Variants in TRPA1 observed in about 807,000 individuals in gnomAD.
TRPA1 encodes transient receptor potential cation channel subfamily A member 1.
TRPA1 carries 129 observed loss-of-function variants against 131.3 expected under a neutral mutation model. The ratio of observed to expected loss-of-function variants is 0.98; its 90% CI spans 0.85 to 1.14. The LOEUF (loss-of-function observed/expected upper bound fraction) is 1.14. Ranked by LOEUF, TRPA1 falls within the 50% of genes most tolerant of loss-of-function variation. TRPA1 has a pLI of 0.00. For synonymous variants in TRPA1, 441 were observed against 451.7 expected, an observed-to-expected ratio of 0.98 and a Z score of 0.30; for missense variants, 1,304 against 1,354.2, an observed-to-expected ratio of 0.96 and a Z score of 0.58.
In TRPA1 at chr8:72,056,282, T is replaced by C. The variant is rs1340847064; in HGVS notation, c.1195-427A>G. 4 of 197,848 alleles carry C rather than the reference T, an allele frequency of 2.0e-5. No individual in the cohort carries two copies. The East Asian group carries it at 5.0e-4, about 25-fold the overall frequency. 12.3% of individuals were successfully genotyped at this position (197,848 alleles called of 1,614,324 possible). A position where few individuals can be genotyped will look rare whatever the true frequency, so the allele number is the denominator to read the frequency against. ...TGTAAACATTAGGTTTATTTTATGT[T>C]TTATATGTATAGTAAATAAAAAATG... On this transcript the variant is annotated intron_variant, in intron 10 of 26. Coordinates refer to ENST00000262209, the MANE Select transcript of TRPA1 (RefSeq NM_007332.3).
In TRPA1 at chr8:72,021,841, AGT is replaced by A. The variant is rs1159797534; in HGVS notation, c.*1063_*1064del. 1.3e-5 allele frequency: 2 copies of A among 152,220 alleles called. No homozygotes were observed. Among genetic ancestry groups the A allele is most frequent in the African/African-American group, 4.8e-5 (2 of 41,470 alleles). 9.4% of individuals were successfully genotyped at this position (152,220 alleles called of 1,614,324 possible). Reference sequence around the variant, plus strand: ...AAATGAGTAGAAAAAATAGGAAATAAGTGAGAATTATAAGAGAAATAAGAAGC... The same window carrying A: ...AAATGAGTAGAAAAAATAGGAAATAAGAGAATTATAAGAGAAATAAGAAGC... On this transcript the variant is annotated 3_prime_UTR_variant, in exon 27 of 27. Coordinates refer to ENST00000262209, the MANE Select transcript of TRPA1 (RefSeq NM_007332.3).
upstream of TRPA1, among the ~76,000 whole-genome samples, chr8:72,078,756 T>A (rs1806234536): frequency 6.6e-6 from 1 of 152,088 alleles, no homozygotes; most frequent in African/African-American, 2.4e-5. Flanking sequence ...TTTATTTCTC[T>A]TGTTTAGAGA....
At chr8:72,065,180 C>G (rs1019926929) in intron 4 of TRPA1, among the ~76,000 whole-genome samples, 64 of 152,312 alleles carry the variant, frequency 4.2e-4, no homozygotes, top group Admixed American at 3.6e-3. Flanking sequence ...CCAGCTTCAT[C>G]TCAACTTTTC....
At chr8:72,067,262 G>GT (rs1410237209) in intron 3 of TRPA1, among the ~76,000 whole-genome samples, 6 of 152,282 alleles carry the variant, frequency 3.9e-5, no homozygotes, top group Middle Eastern at 3.4e-3. Flanking sequence ...AAAGATTGCT[G>GT]TTTGCAAGCA....
chr8:72,053,537 T>C, intron 13 of TRPA1: 1 of 577,138 alleles, frequency 1.7e-6, no homozygotes, highest in Non-Finnish European at 3.1e-6. Flanking sequence ...TCTGTGAGAC[T>C]GGAGGTTTCC....
intron 17 of TRPA1, among the ~76,000 whole-genome samples, chr8:72,044,567 A>C (rs987021403): frequency 2.6e-4 from 40 of 152,024 alleles, no homozygotes; most frequent in African/African-American, 9.7e-4. Flanking sequence ...AATAAGACAA[A>C]GTATCCAATG....
rs1322444083 is a variant in TRPA1 at position 72,061,617 on chromosome 8, A to C, written c.944+8T>G. 2 of 1,613,924 alleles carry C rather than the reference A, an allele frequency of 1.2e-6. No homozygotes were observed. Among genetic ancestry groups the C allele is most frequent in the Non-Finnish European group, 1.7e-6 (2 of 1,179,866 alleles). ...ATCTGTATACAGAATGATAGGTAGG[A>C]AACTTGCCTGTGAAGCATGGTCTCA... On this transcript the variant is annotated splice_region_variant and intron_variant, in intron 7 of 26. Coordinates refer to ENST00000262209, the MANE Select transcript of TRPA1 (RefSeq NM_007332.3).
rs376104534 is a variant in TRPA1 at position 72,055,617 on chromosome 8, T to C, written c.1365-17A>G. On this transcript the variant is annotated splice_polypyrimidine_tract_variant and intron_variant, in intron 11 of 26. Coordinates refer to ENST00000262209, the MANE Select transcript of TRPA1 (RefSeq NM_007332.3). ...CGCCCATAACTTGGAAAAAATTAGG[T>C]TTCATATTTTCAAGGCAAATATTAA... The C allele has an allele frequency of 4.3e-6, 7 of 1,613,294 alleles. No homozygotes were observed. The African/African-American group carries it at 9.4e-5, about 22-fold the overall frequency.
intron 14 of TRPA1, among the ~76,000 whole-genome samples, chr8:72,051,854 G>A (rs1200670140): frequency 2.0e-5 from 3 of 152,212 alleles, no homozygotes; most frequent in Non-Finnish European, 4.4e-5. Context: ...TCTCACAAGA[G>A]TGATGTGAAG....
chr8:72,037,060 G>A (rs1011618619), intron 20 of TRPA1, among the ~76,000 whole-genome samples: 2 of 151,908 alleles, frequency 1.3e-5, no homozygotes, highest in African/African-American at 4.8e-5. Flanking sequence ...TTCATTTCTG[G>A]AAAATGAAAA....
intron 1 of TRPA1, among the ~76,000 whole-genome samples, chr8:72,072,493 G>C (rs1399592261): frequency 1.3e-5 from 2 of 152,116 alleles, no homozygotes; most frequent in African/African-American, 4.8e-5. Context: ...AGTCTCTTGA[G>C]ATGTGTTACT....
chr8:72,047,774 T>A (rs1277817985), intron 15 of TRPA1, among the ~76,000 whole-genome samples: 1 of 152,134 alleles, frequency 6.6e-6, no homozygotes, highest in African/African-American at 2.4e-5. Flanking sequence ...TTGGATCCCA[T>A]CCTTATGATG....
chr8:72,070,656 T>C (rs913103621), intron 2 of TRPA1, among the ~76,000 whole-genome samples: 1 of 152,224 alleles, frequency 6.6e-6, no homozygotes, highest in African/African-American at 2.4e-5. Flanking sequence ...GTATTTTCAC[T>C]ATCTTCATCT....
intron 22 of TRPA1, 33 bp downstream of exon 22, chr8:72,034,215 C>T (rs374726509): frequency 1.7e-5 from 27 of 1,581,174 alleles, no homozygotes; most frequent in Admixed American, 1.0e-4. Context: ...TAATTCACAG[C>T]GACAAAATCA....
intron 6 of TRPA1, 147 bp from the exon 7 acceptor site, chr8:72,061,908 A>C (rs1805819171): frequency 2.3e-6 from 2 of 885,450 alleles, no homozygotes; most frequent in Non-Finnish European, 3.5e-6. Context: ...GAAATGTGAT[A>C]GATATTCCTT....
intron 15 of TRPA1, 66 bp from the exon 16 acceptor site, chr8:72,047,273 C>T (rs1805358493): frequency 8.3e-7 from 1 of 1,210,820 alleles, no homozygotes; most frequent in South Asian, 1.2e-5. Flanking sequence ...AGATTTTATC[C>T]TATTTCTGAA....
At position 72,021,961 on chromosome 8, in the gene TRPA1, C is replaced by T. The variant is rs1008294513; in HGVS notation, c.*945G>A. On this transcript the variant is annotated 3_prime_UTR_variant, in exon 27 of 27. Transcript: ENST00000262209. ...GTACAACATAACACAAGGACACATA[C>T]ATAGCCAAAGACATATTCATTACAG... 4 of 152,188 alleles carry T rather than the reference C, an allele frequency of 2.6e-5. No individual in the cohort carries two copies. Among genetic ancestry groups the T allele is most frequent in the South Asian group, 2.1e-4 (1 of 4,824 alleles). 9.4% of individuals were successfully genotyped at this position (152,188 alleles called of 1,614,324 possible).
At position 72,023,082 on chromosome 8, in the gene TRPA1, G is replaced by A. The variant is rs1160360059; in HGVS notation, c.3184C>T (p.His1062Tyr). The A allele has an allele frequency of 5.0e-6, 8 of 1,613,398 alleles. No homozygotes were observed. Among genetic ancestry groups the A allele is most frequent in the African/African-American group, 4.0e-5 (3 of 74,910 alleles). ...TGAATGATCAGTTTAATGAGCTCAT[G>A]CTGTTTTTCCAGGAGAAAAGTAAGA... ...KDLTFLLEKQ[H>Y]ELIKLIIQKM... The change falls in exon 27 of 27, where the codon CAT (histidine) becomes TAT (tyrosine). Residue 1062 changes from histidine to tyrosine, a missense_variant. Physicochemically the swap from His to Tyr is moderately conservative, Grantham distance 83. Coordinates refer to ENST00000262209, the MANE Select transcript of TRPA1 (RefSeq NM_007332.3).
At chr8:72,040,526 T>A (rs542800288) in intron 17 of TRPA1, among the ~76,000 whole-genome samples, 1 of 152,086 alleles carries the variant, frequency 6.6e-6, no homozygotes, top group Non-Finnish European at 1.5e-5. Flanking sequence ...CACAGTGCCA[T>A]TGGGAGAAAA....
Sources: gnomAD v4.1 joint callset for allele counts (sites outside exome capture counted in the v4.1 genomes callset) on GRCh38, gnomAD v4.1.1 for gene constraint, MANE v1.5 for transcripts, NCBI Gene and HGNC (gene_info 2026-07-23, HGNC 2026-07-21) for gene names.